CADM1: variants seen among roughly 807,000 people sequenced by gnomAD.
The protein encoded by CADM1 is cell adhesion molecule 1.
A neutral mutation model predicts 53.1 loss-of-function variants in CADM1; 15 were observed. The ratio of observed to expected loss-of-function variants is 0.28; its 90% confidence interval spans 0.19 to 0.44. The LOEUF is 0.44. Among genes scored for constraint, CADM1 ranks in the 20% least tolerant of loss-of-function variants. The probability of loss-of-function intolerance (pLI) is 1.00; values close to 1 mark genes in which losing one functional copy is unlikely to be tolerated. For synonymous variants in CADM1, 281 were observed against 243.0 expected (o/e 1.16, Z -1.45); for missense variants, 434 against 611.3 (o/e 0.71, Z 3.06).
Position 115,176,414 on chromosome 11 carries a change from C to T in CADM1, c.*60G>A. The T allele has an allele frequency of 1.9e-6, 3 of 1,607,400 alleles. No homozygotes were observed. The South Asian group carries it at 3.3e-5, about 18-fold the overall frequency. On this transcript the variant is annotated 3_prime_UTR_variant, in exon 12 of 12. Transcript: ENST00000331581. ...GAATTTCTCGCAAGTTCCAATATCA[C>T]TGTCTCTTTATCATCTAAATAGGGC...
chr11:115,217,906 G>A lies in CADM1; in HGVS notation c.807C>T (p.Ala269=), dbSNP rs1001965656. The A allele has an allele frequency of 1.6e-5, 26 of 1,613,238 alleles. No individual in the cohort carries two copies. Among genetic ancestry groups the A allele is most frequent in the Non-Finnish European group, 2.1e-5 (25 of 1,179,264 alleles). Residue 269 remains alanine (A), a synonymous_variant, in exon 6 of 12, where the codon GCC becomes GCT. Transcript: ENST00000331581. The stretch of plus-strand genomic sequence containing the variant: ...TCAGAACTTACTGGGGCTTCCCGAT[G>A]GCTTCACATGTTAACTCAAGCGCGT... ...EGDALELTCE[A]IGKPQPVMVT... is the part of the protein sequence containing the mutation.
At chr11:115,423,752 T>C (rs1330109228) in intron 1 of CADM1, among the ~76,000 whole-genome samples, 2 of 152,246 alleles carry the variant, frequency 1.3e-5, no homozygotes, top group Non-Finnish European at 2.9e-5. Context: ...AGGTTTACTA[T>C]GCATATTAAT....
chr11:115,458,840 CTAAGT>C (rs1490518499), intron 1 of CADM1, among the ~76,000 whole-genome samples: 20 of 152,122 alleles, frequency 1.3e-4, no homozygotes, highest in Admixed American at 4.6e-4. Flanking sequence ...TTACATATTT[CTAAGT>C]TAAGGCATAC....
Position 115,324,223 on chromosome 11 carries a change from C to T in CADM1, c.125-83803G>A, listed in dbSNP as rs191532966. Among the ~76,000 whole-genome samples, 18 of 152,202 alleles carry T rather than the reference C, an allele frequency of 1.2e-4. No individual in the cohort carries two copies. In the East Asian group the frequency reaches 3.1e-3, roughly 26 times the overall value. On this transcript the variant is annotated intron_variant, in intron 1 of 11. Coordinates refer to ENST00000331581, the MANE Select transcript of CADM1 (RefSeq NM_001301043.2). ...ATCTCTTCAACACCCTTAATGTACC[C>T]GTAAAAGTAATCACATGTCTTCCTT...
chr11:115,339,892 T>C (rs889203115), intron 1 of CADM1: 1 of 152,030 alleles, frequency 6.6e-6, no homozygotes, highest in African/African-American at 2.4e-5. Context: ...CTGAGATTCA[T>C]AGTATTTTAG....
chr11:115,298,231 CAG>C (rs931145955), intron 1 of CADM1, among the ~76,000 whole-genome samples: 6 of 152,192 alleles, frequency 3.9e-5, no homozygotes, highest in Non-Finnish European at 2.9e-5. Flanking sequence ...ATCTGAAACA[CAG>C]AAACAATTTT....
At chr11:115,180,079 T>C (rs1939236212) in intron 10 of CADM1, among the ~76,000 whole-genome samples, 1 of 152,166 alleles carries the variant, frequency 6.6e-6, no homozygotes, top group African/African-American at 2.4e-5. Context: ...CGATCAAGTG[T>C]ACAGATCCGT....
intron 1 of CADM1, among the ~76,000 whole-genome samples, chr11:115,400,742 A>C (rs1479718271): frequency 1.4e-5 from 2 of 143,882 alleles, no homozygotes; most frequent in Non-Finnish European, 3.0e-5. Flanking sequence ...GCATGTAAAA[A>C]GATGCTCCAC....
chr11:115,449,188 C>A (rs901369774), intron 1 of CADM1, among the ~76,000 whole-genome samples: 8 of 152,186 alleles, frequency 5.3e-5, no homozygotes, highest in African/African-American at 1.9e-4. Context: ...TGGAATGGAA[C>A]CTGCCAGGTA....
chr11:115,270,606 C>T (rs774059488), intron 1 of CADM1, among the ~76,000 whole-genome samples: 8 of 152,160 alleles, frequency 5.3e-5, no homozygotes, highest in Non-Finnish European at 8.8e-5. Context: ...CCCAGCAAAG[C>T]TCCAATTCAA....
At chr11:115,285,513 T>C (rs1943707964) in intron 1 of CADM1, among the ~76,000 whole-genome samples, 1 of 152,176 alleles carries the variant, frequency 6.6e-6, no homozygotes, top group African/African-American at 2.4e-5. Flanking sequence ...CTGGAATCGT[T>C]GAAAGAGTTT....
At chr11:115,231,752 C>T (rs1273227215) in intron 3 of CADM1, among the ~76,000 whole-genome samples, 3 of 151,952 alleles carry the variant, frequency 2.0e-5, no homozygotes, top group South Asian at 2.1e-4. Context: ...TTTGGGAGGC[C>T]GAGGCGGGCA....
intron 1 of CADM1, among the ~76,000 whole-genome samples, chr11:115,347,607 T>C (rs1181216504): frequency 6.6e-6 from 1 of 152,172 alleles, no homozygotes; most frequent in Non-Finnish European, 1.5e-5. Context: ...GAAGATAAGA[T>C]TTTCCTGACA....
intron 8 of CADM1, among the ~76,000 whole-genome samples, chr11:115,198,887 G>A (rs112036744): frequency 1.1e-4 from 16 of 152,212 alleles, no homozygotes; most frequent in African/African-American, 3.6e-4. Context: ...CAACCCACCC[G>A]GGCACTTGGG....
chr11:115,201,566 T>C (rs1193335093), intron 8 of CADM1, among the ~76,000 whole-genome samples: 1 of 152,200 alleles, frequency 6.6e-6, no homozygotes, highest in Admixed American at 6.5e-5. Context: ...GTGGTGACCA[T>C]ATTGTTGGGT....
intron 1 of CADM1, among the ~76,000 whole-genome samples, chr11:115,301,318 G>A (rs771727974): frequency 1.1e-4 from 16 of 152,060 alleles, no homozygotes; most frequent in Non-Finnish European, 2.4e-4. Context: ...GACACAGCCC[G>A]GGAGGGAAAT....
intron 1 of CADM1, among the ~76,000 whole-genome samples, chr11:115,320,166 G>A (rs192917258): frequency 2.0e-5 from 3 of 152,124 alleles, no homozygotes; most frequent in African/African-American, 4.8e-5. Context: ...GGCCTCAGGC[G>A]ATCCTCTCAC....
intron 1 of CADM1, among the ~76,000 whole-genome samples, chr11:115,455,478 T>C (rs1948664645): frequency 6.6e-6 from 1 of 151,932 alleles, no homozygotes; most frequent in Non-Finnish European, 1.5e-5. Context: ...TAAATAGTAA[T>C]GTACTAAGAA....
At chr11:115,221,050 T>C (rs967171571) in intron 5 of CADM1, among the ~76,000 whole-genome samples, 2 of 152,204 alleles carry the variant, frequency 1.3e-5, no homozygotes, top group Non-Finnish European at 2.9e-5. Flanking sequence ...TAAAGCCTAG[T>C]ACATTTTCTG....
Sources: gnomAD v4.1 joint callset for allele counts (sites outside exome capture counted in the v4.1 genomes callset) on GRCh38, gnomAD v4.1.1 for gene constraint, MANE v1.5 for transcripts, NCBI Gene and HGNC (gene_info 2026-07-23, HGNC 2026-07-21) for gene names.